Variants in GRM8 observed in about 807,000 individuals in gnomAD.
GRM8 encodes metabotropic glutamate receptor 8.
A neutral mutation model predicts 87.2 loss-of-function variants in GRM8; 47 were observed. That is an observed-to-expected ratio of 0.54 (90% CI 0.43 to 0.69). GRM8 has a LOEUF of 0.69. GRM8 is among the 30% of genes least tolerant of loss of function. The probability of loss-of-function intolerance (pLI) is 0.00; values close to 1 mark genes in which losing one functional copy is unlikely to be tolerated. For missense variants in GRM8, 1,019 were observed against 1,139.2 expected (o/e 0.89, Z 1.52); for synonymous variants, 396 against 404.5 (o/e 0.98, Z 0.25).
chr7:127,072,413 T>C (rs1311193615), intron 3 of GRM8, among the ~76,000 whole-genome samples: 1 of 152,184 alleles, frequency 6.6e-6, no homozygotes, highest in Non-Finnish European at 1.5e-5. Flanking sequence ...TAGAATAAAA[T>C]ATGATCTTCA....
chr7:127,226,688 C>T (rs898864422), intron 2 of GRM8, among the ~76,000 whole-genome samples: 23 of 152,234 alleles, frequency 1.5e-4, no homozygotes, highest in African/African-American at 4.8e-4. Context: ...ATTAACGCCT[C>T]AAGTTAATTT....
intron 2 of GRM8, among the ~76,000 whole-genome samples, chr7:127,234,983 T>C (rs1056446573): frequency 4.0e-4 from 61 of 152,314 alleles, no homozygotes; most frequent in African/African-American, 1.5e-3. Flanking sequence ...CTAGGGTGAA[T>C]GGGTAGAAAG....
intron 7 of GRM8, among the ~76,000 whole-genome samples, chr7:126,692,440 C>A (rs1808928676): frequency 1.3e-5 from 2 of 152,128 alleles, no homozygotes; most frequent in Admixed American, 6.5e-5. Flanking sequence ...ATGACTAAGG[C>A]CCTCTCCATG....
At chr7:126,704,439 T>C (rs1413145198) in intron 7 of GRM8, among the ~76,000 whole-genome samples, 1 of 152,170 alleles carries the variant, frequency 6.6e-6, no homozygotes, top group Non-Finnish European at 1.5e-5. Flanking sequence ...TTGAACAATA[T>C]GAAATCTGGG....
intron 3 of GRM8, among the ~76,000 whole-genome samples, chr7:127,014,663 G>T (rs1282913167): frequency 6.6e-6 from 1 of 151,940 alleles, no homozygotes; most frequent in Non-Finnish European, 1.5e-5. Context: ...AGATATTATT[G>T]GTATTGATTT....
intron 3 of GRM8, chr7:127,105,518 G>A (rs1231662465): frequency 6.6e-6 from 1 of 152,146 alleles, no homozygotes; most frequent in Non-Finnish European, 1.5e-5. Context: ...CAGACTTTTT[G>A]TCCTTGGTAA....
intron 7 of GRM8, among the ~76,000 whole-genome samples, chr7:126,656,458 C>T (rs1400385527): frequency 2.6e-5 from 4 of 152,078 alleles, no homozygotes; most frequent in Admixed American, 1.3e-4. Flanking sequence ...GCGGGCGGAT[C>T]GCAAGGTCAG....
At chr7:126,799,866 T>G (rs1822453871) in intron 6 of GRM8, among the ~76,000 whole-genome samples, 1 of 152,118 alleles carries the variant, frequency 6.6e-6, no homozygotes, top group Non-Finnish European at 1.5e-5. Context: ...TTGAGACTTC[T>G]AAGAACCTGG....
At chr7:126,736,492 G>A (rs1814242294) in intron 7 of GRM8, among the ~76,000 whole-genome samples, 1 of 151,958 alleles carries the variant, frequency 6.6e-6, no homozygotes, top group Non-Finnish European at 1.5e-5. Context: ...GGTAATTAAT[G>A]TTATGTCAAT....
intron 8 of GRM8, among the ~76,000 whole-genome samples, chr7:126,599,213 A>C (rs1265619091): frequency 6.6e-6 from 1 of 152,148 alleles, no homozygotes; most frequent in South Asian, 2.1e-4. Context: ...TCTGGGTCAC[A>C]TACATGCACT....
At chr7:127,000,972 T>C (rs1813675309) in intron 3 of GRM8, among the ~76,000 whole-genome samples, 2 of 151,594 alleles carry the variant, frequency 1.3e-5, no homozygotes, top group Admixed American at 6.6e-5. Context: ...GGATCCACAA[T>C]AGCCAAAATC....
chr7:126,840,799 CG>C (rs1272795779), intron 6 of GRM8, among the ~76,000 whole-genome samples: 2 of 152,064 alleles, frequency 1.3e-5, no homozygotes, highest in Admixed American at 6.6e-5. Flanking sequence ...TTCATTTTAA[CG>C]GTAGAAATTA....
At chr7:127,086,806 A>C (rs1225134255) in intron 3 of GRM8, among the ~76,000 whole-genome samples, 1 of 152,124 alleles carries the variant, frequency 6.6e-6, no homozygotes, top group East Asian at 1.9e-4. Context: ...TTTTAGCATA[A>C]ATAAAAGAAA....
chr7:127,125,908 C>T (rs765190215), intron 2 of GRM8, among the ~76,000 whole-genome samples: 8 of 151,792 alleles, frequency 5.3e-5, no homozygotes, highest in East Asian at 1.9e-4. Context: ...GAGAAATGCA[C>T]ATTAAAACCT....
chr7:126,781,256 T>C (rs946843925), intron 6 of GRM8, among the ~76,000 whole-genome samples: 6 of 152,306 alleles, frequency 3.9e-5, no homozygotes, highest in South Asian at 2.1e-4. Context: ...CTCCTAAAAA[T>C]TGTATACTCA....
intron 7 of GRM8, among the ~76,000 whole-genome samples, chr7:126,647,335 ATAGATAG>A (rs1803253462): frequency 3.1e-5 from 2 of 64,872 alleles, no homozygotes; most frequent in African/African-American, 8.7e-5. Context: ...AGATAGATAG[ATAGATAG>A]ATATAGATAT....
chr7:126,846,205 G>T (rs1195918737), intron 6 of GRM8, among the ~76,000 whole-genome samples: 1 of 152,112 alleles, frequency 6.6e-6, no homozygotes, highest in Admixed American at 6.6e-5. Context: ...TTAAGAGTTT[G>T]TCAAGGAAAC....
intron 2 of GRM8, among the ~76,000 whole-genome samples, chr7:127,136,600 G>C (rs17865428): frequency 0.01 from 1,592 of 151,904 alleles, 41 homozygotes; most frequent in African/African-American, 0.035. Flanking sequence ...TCAAATCCTG[G>C]TACCGAAGCT....
chr7:126,529,176 A>AT (rs543196437), intron 9 of GRM8, among the ~76,000 whole-genome samples: 111 of 152,040 alleles, frequency 7.3e-4, no homozygotes, highest in African/African-American at 2.7e-3. Context: ...ATGGGAAACC[A>AT]TTTTTTTCAG....
Sources: gnomAD v4.1 joint callset for allele counts (sites outside exome capture counted in the v4.1 genomes callset) on GRCh38, gnomAD v4.1.1 for gene constraint, MANE v1.5 for transcripts, NCBI Gene and HGNC (gene_info 2026-07-23, HGNC 2026-07-21) for gene names.